GFRA1: variants seen among roughly 807,000 people sequenced by gnomAD.
The protein encoded by GFRA1 is GDNF family receptor alpha-1.
Under a neutral mutation model 51.6 loss-of-function variants are expected in GFRA1, and 16 were observed. The ratio of observed to expected loss-of-function variants is 0.31; its 90% CI spans 0.21 to 0.47. The LOEUF is 0.47. GFRA1 is among the 20% of genes least tolerant of loss of function. The probability of loss-of-function intolerance (pLI) is 1.00; values close to 1 mark genes in which losing one functional copy is unlikely to be tolerated. For missense variants in GFRA1, 530 were observed against 594.3 expected, an observed-to-expected ratio of 0.89 and a Z score of 1.13; for synonymous variants, 270 against 241.3, an observed-to-expected ratio of 1.12 and a Z score of -1.10.
At chr10:116,269,666 A>G (rs1969944835) in intron 3 of GFRA1, 80 bp from the exon 4 acceptor site, 1 of 829,270 alleles carries the variant, frequency 1.2e-6, no homozygotes, top group Non-Finnish European at 2.1e-6. Context: ...TCTGAATTCT[A>G]ATTATGTTAT....
chr10:116,084,461 G>T (rs1183005199), intron 9 of GFRA1, among the ~76,000 whole-genome samples: 1 of 152,036 alleles, frequency 6.6e-6, no homozygotes, highest in African/African-American at 2.4e-5. Context: ...TGTGCCAACT[G>T]CCCACAGCTA....
At chr10:116,253,073 A>G (rs1246337136) in intron 4 of GFRA1, among the ~76,000 whole-genome samples, 1 of 152,238 alleles carries the variant, frequency 6.6e-6, no homozygotes, top group Non-Finnish European at 1.5e-5. Flanking sequence ...TGGCCAGGAT[A>G]TCTAGATGGG....
intron 5 of GFRA1, among the ~76,000 whole-genome samples, chr10:116,128,688 T>C (rs1957974744): frequency 7.7e-6 from 1 of 130,632 alleles, no homozygotes; most frequent in South Asian, 2.4e-4. Context: ...ACTGCGCCAC[T>C]GCACTCCAGC....
At chr10:116,254,526 G>A (rs1192549636) in intron 4 of GFRA1, among the ~76,000 whole-genome samples, 1 of 150,918 alleles carries the variant, frequency 6.6e-6, no homozygotes, top group African/African-American at 2.4e-5. Flanking sequence ...AAAAGAAGAA[G>A]AAAAAAAGAA....
At chr10:116,269,174 G>T (rs575234260) in intron 4 of GFRA1, among the ~76,000 whole-genome samples, 2 of 152,128 alleles carry the variant, frequency 1.3e-5, no homozygotes, top group East Asian at 3.9e-4. Context: ...AAGAGAATAC[G>T]ATTGCCACCT....
In GFRA1 at chr10:116,215,171, T is replaced by C. The variant is rs1199854034; in HGVS notation, c.419-3526A>G. Among the ~76,000 whole-genome samples, 3 of 152,316 alleles carry C rather than the reference T, an allele frequency of 2.0e-5. No individual in the cohort carries two copies. The East Asian group carries it at 5.8e-4, about 29-fold the overall frequency. On this transcript the variant is annotated intron_variant, in intron 4 of 10. Coordinates refer to ENST00000355422, the MANE Select transcript of GFRA1 (RefSeq NM_005264.8). ...GTGTAATAATGGTTTGGGTACCTTC[T>C]TTAAAATTTCACTTTTCCAGAATGA...
At chr10:116,172,835 G>A (rs907046107) in intron 5 of GFRA1, among the ~76,000 whole-genome samples, 3 of 152,156 alleles carry the variant, frequency 2.0e-5, no homozygotes, top group Admixed American at 2.0e-4. Context: ...GAGCAGACCC[G>A]CTGGCTCAGT....
intron 6 of GFRA1, among the ~76,000 whole-genome samples, chr10:116,111,930 G>A (rs143795771): frequency 8.5e-4 from 130 of 152,292 alleles, no homozygotes; most frequent in African/African-American, 2.5e-3. Flanking sequence ...CTGCATGTGC[G>A]CTCTGTGGGC....
chr10:116,221,168 G>A (rs1449225832), intron 4 of GFRA1, among the ~76,000 whole-genome samples: 1 of 152,242 alleles, frequency 6.6e-6, no homozygotes, highest in African/African-American at 2.4e-5. Context: ...CTAAAAGGTA[G>A]CTATTCTCAT....
intron 6 of GFRA1, among the ~76,000 whole-genome samples, chr10:116,116,754 A>G (rs1435038475): frequency 2.0e-5 from 3 of 152,264 alleles, no homozygotes; most frequent in Non-Finnish European, 2.9e-5. Flanking sequence ...ACGAGTGTTC[A>G]AAAGGAAATT....
intron 9 of GFRA1, among the ~76,000 whole-genome samples, chr10:116,067,774 T>C (rs888055232): frequency 1.3e-5 from 2 of 152,172 alleles, no homozygotes; most frequent in Admixed American, 1.3e-4. Flanking sequence ...GGTTTCACAC[T>C]ACATTCAGAA....
intron 5 of GFRA1, among the ~76,000 whole-genome samples, chr10:116,159,525 C>G (rs961375798): frequency 6.6e-6 from 1 of 152,212 alleles, no homozygotes; most frequent in Non-Finnish European, 1.5e-5. Flanking sequence ...ATGCCACACA[C>G]AGAGCTTGGT....
intron 4 of GFRA1, among the ~76,000 whole-genome samples, chr10:116,244,505 TATATATAAAA>T (rs1967706342): frequency 1.4e-5 from 2 of 147,946 alleles, no homozygotes; most frequent in African/African-American, 4.9e-5. Context: ...TATATAATCC[TATATATAAAA>T]ATATATAAAG....
chr10:116,141,544 A>G (rs1019669720), intron 5 of GFRA1, among the ~76,000 whole-genome samples: 2 of 148,756 alleles, frequency 1.3e-5, no homozygotes, highest in African/African-American at 5.0e-5. Flanking sequence ...ATGGGGAAAC[A>G]GCATTCACAG....
At chr10:116,211,449 G>T (rs1312439076) in intron 5 of GFRA1, among the ~76,000 whole-genome samples, 182 bp downstream of exon 5, 2 of 152,204 alleles carry the variant, frequency 1.3e-5, no homozygotes, top group East Asian at 3.9e-4. Context: ...AGCAGAGGTT[G>T]GACAGCAGAG....
intron 6 of GFRA1, among the ~76,000 whole-genome samples, chr10:116,120,874 C>A (rs1957614240): frequency 6.6e-6 from 1 of 152,186 alleles, no homozygotes; most frequent in African/African-American, 2.4e-5. Flanking sequence ...CCAAGCACAC[C>A]CTGAGTTTTT....
intron 5 of GFRA1, among the ~76,000 whole-genome samples, chr10:116,135,179 T>G (rs947906479): frequency 6.6e-6 from 1 of 152,196 alleles, no homozygotes; most frequent in African/African-American, 2.4e-5. Context: ...ATTTGGAACT[T>G]GGTGGCTGGG....
At chr10:116,101,014 G>A (rs980378575) in intron 6 of GFRA1, among the ~76,000 whole-genome samples, 4 of 152,168 alleles carry the variant, frequency 2.6e-5, no homozygotes, top group Non-Finnish European at 5.9e-5. Flanking sequence ...TGGCTGTGTT[G>A]AGTTCCTGAT....
chr10:116,271,227 C>A, intron 2 of GFRA1, 112 bp from the exon 3 acceptor site: 1 of 840,990 alleles, frequency 1.2e-6, no homozygotes, highest in Non-Finnish European at 1.8e-6. Context: ...CCTTCGGGGG[C>A]GCCCTGCTCT....
Sources: allele counts gnomAD v4.1 joint callset (sites outside exome capture counted in the v4.1 genomes callset), GRCh38; gene constraint gnomAD v4.1.1; transcripts MANE v1.5; gene names NCBI Gene and HGNC (gene_info 2026-07-23, HGNC 2026-07-21).